The following RAPGEF5 variants were observed in gnomAD, a reference collection of about 807,000 sequenced individuals.
The protein encoded by RAPGEF5 is Rap guanine nucleotide exchange factor 5, also known as M-Ras-regulated GEF.
RAPGEF5 carries 65 observed loss-of-function variants against 125.2 expected under a neutral mutation model. That is an observed-to-expected ratio of 0.52 (90% confidence interval 0.43 to 0.64). RAPGEF5 has a LOEUF of 0.64. RAPGEF5 is among the 30% of genes least tolerant of loss of function. The pLI is 0.00. For synonymous variants in RAPGEF5, 391 were observed against 385.9 expected (o/e 1.01, Z -0.16); for missense variants, 958 against 1,048.1 (o/e 0.91, Z 1.19).
At chr7:22,184,873 C>A (rs1214263781) in intron 11 of RAPGEF5, among the ~76,000 whole-genome samples, 1 of 152,176 alleles carries the variant, frequency 6.6e-6, no homozygotes, top group Non-Finnish European at 1.5e-5. Context: ...AATTTTTAAT[C>A]ACTTCTCATG....
intron 9 of RAPGEF5, among the ~76,000 whole-genome samples, chr7:22,197,691 C>A (rs555635635): frequency 6.6e-6 from 1 of 152,122 alleles, no homozygotes; most frequent in Admixed American, 6.5e-5. Context: ...TTTCTGTCCC[C>A]GCCTTGCCCA....
chr7:22,317,275 C>T (rs1783622657), intron 2 of RAPGEF5, among the ~76,000 whole-genome samples: 1 of 142,660 alleles, frequency 7.0e-6, no homozygotes, highest in Non-Finnish European at 1.5e-5. Context: ...GAGTCTTGCT[C>T]TGTTGCCCAG....
At chr7:22,350,545 A>C (rs1784312332) in intron 1 of RAPGEF5, among the ~76,000 whole-genome samples, 1 of 152,194 alleles carries the variant, frequency 6.6e-6, no homozygotes, top group Non-Finnish European at 1.5e-5. Context: ...GTATGTCATT[A>C]CAGAGGAAGA....
intron 11 of RAPGEF5, 44 bp from the exon 12 acceptor site, chr7:22,167,192 G>A: frequency 6.8e-7 from 1 of 1,477,180 alleles, no homozygotes; most frequent in Non-Finnish European, 9.4e-7. Flanking sequence ...CAAAGAGGTG[G>A]ATAAGAAGAG....
Position 22,162,447 on chromosome 7 carries a change from G to A in RAPGEF5, c.1378C>T (p.Leu460=). The change falls in exon 13 of 26, where the codon CTG becomes TTG. Residue 460 remains leucine, a synonymous_variant. Transcript: ENST00000665637. Reference sequence around the variant, plus strand: ...TCTTCAGGTAACCAGTCTTTGTACAGAGCAATCCACTGGGAAACAAGATGC... The same window carrying A: ...TCTTCAGGTAACCAGTCTTTGTACAAAGCAATCCACTGGGAAACAAGATGC... ...VLHLVSQWIA[L]YKDWLPEDEH... is the part of the protein sequence containing the mutation. 1 of 1,601,234 alleles carries A rather than the reference G, an allele frequency of 6.2e-7. No homozygotes were observed.
intron 1 of RAPGEF5, among the ~76,000 whole-genome samples, chr7:22,331,581 TAA>T (rs1350091639): frequency 1.3e-5 from 2 of 151,706 alleles, no homozygotes; most frequent in Non-Finnish European, 2.9e-5. Flanking sequence ...CTGCCTCTAC[TAA>T]AAATACAAAA....
intron 25 of RAPGEF5, 150 bp downstream of exon 25, chr7:22,125,454 A>G (rs1159392940): frequency 1.5e-6 from 1 of 663,936 alleles, no homozygotes. Context: ...GGAAACAAAG[A>G]GACAATCTAC....
At chr7:22,265,597 A>G (rs936810381) in intron 7 of RAPGEF5, among the ~76,000 whole-genome samples, 17 of 152,152 alleles carry the variant, frequency 1.1e-4, no homozygotes, top group Non-Finnish European at 2.5e-4. Context: ...ACTGATTTCC[A>G]TGGGATTGCT....
chr7:22,340,979 TATC>T (rs1784117249), intron 1 of RAPGEF5, among the ~76,000 whole-genome samples: 1 of 152,216 alleles, frequency 6.6e-6, no homozygotes, highest in Non-Finnish European at 1.5e-5. Context: ...CGAGGTGACT[TATC>T]ATTATGGCCT....
intron 1 of RAPGEF5, among the ~76,000 whole-genome samples, chr7:22,351,449 G>A (rs1784326893): frequency 6.6e-6 from 1 of 152,144 alleles, no homozygotes; most frequent in Non-Finnish European, 1.5e-5. Context: ...TGCATTTGAG[G>A]AAAACTAAAG....
At chr7:22,251,884 T>A (rs1214849992) in intron 7 of RAPGEF5, among the ~76,000 whole-genome samples, 2 of 151,974 alleles carry the variant, frequency 1.3e-5, no homozygotes, top group Non-Finnish European at 2.9e-5. Flanking sequence ...TTTGTCATTA[T>A]GAGAAGGAAA....
At chr7:22,135,927 C>A in intron 23 of RAPGEF5, 111 bp downstream of exon 23, 1 of 797,676 alleles carries the variant, frequency 1.3e-6, no homozygotes, top group Non-Finnish European at 1.9e-6. Context: ...GTCTGAATGT[C>A]AAAATAACTG....
chr7:22,130,624 C>T (rs528194871), intron 24 of RAPGEF5, among the ~76,000 whole-genome samples: 1 of 152,242 alleles, frequency 6.6e-6, no homozygotes, highest in Admixed American at 6.5e-5. Context: ...AACTTTTTCC[C>T]TCTGTGCCTT....
chr7:22,304,527 A>AATGCC (rs1311562921), intron 5 of RAPGEF5, among the ~76,000 whole-genome samples: 2 of 152,250 alleles, frequency 1.3e-5, no homozygotes, highest in African/African-American at 2.4e-5. Context: ...TCTCTACAAC[A>AATGCC]AGGTCATTTC....
At chr7:22,247,932 A>G (rs976949500) in intron 7 of RAPGEF5, among the ~76,000 whole-genome samples, 1 of 152,182 alleles carries the variant, frequency 6.6e-6, no homozygotes, top group Admixed American at 6.6e-5. Context: ...ATGGGTACTT[A>G]TGGACAAAAA....
rs1444647117 is a variant in RAPGEF5 at position 22,194,031 on chromosome 7, T to C, written c.999A>G (p.Gln333=). 1.9e-6 allele frequency: 3 copies of C among 1,610,856 alleles called. No individual in the cohort carries two copies. ...CCTGAACAGTCGTCACTTCATCATC[T>C]TGCTTTAATTGTGGACAGGGATGAT... The part of the protein sequence containing the change: ...DKKEQEKSEH[Q]DDEVTTVQVK... Residue 333 remains glutamine (Q), a splice_region_variant and synonymous_variant, in exon 10 of 26, where the codon CAA becomes CAG. Coordinates refer to ENST00000665637, the MANE Select transcript of RAPGEF5 (RefSeq NM_012294.5).
intron 7 of RAPGEF5, among the ~76,000 whole-genome samples, chr7:22,247,228 G>T (rs915992502): frequency 6.6e-6 from 1 of 152,054 alleles, no homozygotes; most frequent in Non-Finnish European, 1.5e-5. Flanking sequence ...CCATTACTGG[G>T]TATATTTCCA....
intron 5 of RAPGEF5, among the ~76,000 whole-genome samples, chr7:22,301,572 G>A (rs1246786516): frequency 7.0e-6 from 1 of 143,266 alleles, no homozygotes; most frequent in Non-Finnish European, 1.5e-5. Flanking sequence ...CCGAGATCGT[G>A]CCACTGCACT....
At chr7:22,126,276 G>C (rs1035383797) in intron 24 of RAPGEF5, among the ~76,000 whole-genome samples, 6 of 152,204 alleles carry the variant, frequency 3.9e-5, no homozygotes, top group African/African-American at 1.4e-4. Flanking sequence ...ATTTGCACAT[G>C]TGTTTCACTT....
Sources: allele counts gnomAD v4.1 joint callset (sites outside exome capture counted in the v4.1 genomes callset), GRCh38; gene constraint gnomAD v4.1.1; transcripts MANE v1.5; gene names NCBI Gene and HGNC (gene_info 2026-07-23, HGNC 2026-07-21).